The following ASIC2 variants were observed in gnomAD, a reference collection of about 807,000 sequenced individuals.
ASIC2 encodes the protein acid sensing ion channel subunit 2, also known as acid-sensing ion channel 2.
A neutral mutation model predicts 57.3 loss-of-function variants in ASIC2; 25 were observed. The observed-to-expected ratio is 0.44, with a 90% CI of 0.32 to 0.61. The LOEUF is 0.61. ASIC2 is among the 20% of genes least tolerant of loss of function. ASIC2 has a pLI of 0.06. For missense variants in ASIC2, 641 were observed against 738.1 expected (o/e 0.87, Z 1.52); for synonymous variants, 319 against 307.5 (o/e 1.04, Z -0.39).
At chr17:33,777,495 C>T (rs575661462) in intron 1 of ASIC2, among the ~76,000 whole-genome samples, 3 of 152,026 alleles carry the variant, frequency 2.0e-5, no homozygotes, top group Non-Finnish European at 2.9e-5. Flanking sequence ...CAAGGAAAGT[C>T]CCCACCTCCC....
chr17:33,546,242 C>T (rs1376208099), intron 1 of ASIC2, among the ~76,000 whole-genome samples: 1 of 151,622 alleles, frequency 6.6e-6, no homozygotes, highest in East Asian at 1.9e-4. Context: ...GACACAATCA[C>T]ATATATTCAT....
At chr17:33,935,867 G>A (rs1916047629) in intron 1 of ASIC2, 1 of 152,218 alleles carries the variant, frequency 6.6e-6, no homozygotes, top group Non-Finnish European at 1.5e-5. Flanking sequence ...CTTATCTGCT[G>A]CAATTCCTGT....
Position 33,431,641 on chromosome 17 carries a change from G to T in ASIC2, c.556-319574C>A, listed in dbSNP as rs190199101. ...AGAGTCAGGAAATCTCAGAAGAAAA[G>T]ATACCATATTTTAGAGTATTGCACA... On this transcript the variant is annotated intron_variant, in intron 1 of 9. Coordinates refer to the ASIC2 transcript ENST00000359872. Among the ~76,000 whole-genome samples the T allele has an allele frequency of 6.6e-4, 101 of 152,220 alleles. 2 individuals carry two copies. Among genetic ancestry groups the T allele is most frequent in the East Asian group, 5.8e-4 (3 of 5,184 alleles).
chr17:33,309,809 C>T (rs142454462), intron 1 of ASIC2, among the ~76,000 whole-genome samples: 167 of 151,420 alleles, frequency 1.1e-3, no homozygotes, highest in African/African-American at 3.9e-3. Context: ...TCTTAGAGCA[C>T]ATTTTATTCT....
At chr17:33,690,351 T>G (rs1173550775) in intron 1 of ASIC2, among the ~76,000 whole-genome samples, 3 of 152,156 alleles carry the variant, frequency 2.0e-5, no homozygotes, top group Non-Finnish European at 4.4e-5. Flanking sequence ...CCAAGTCTGT[T>G]TTTTCACTGA....
chr17:33,715,912 A>G (rs1473962373), intron 1 of ASIC2, among the ~76,000 whole-genome samples: 1 of 152,104 alleles, frequency 6.6e-6, no homozygotes, highest in East Asian at 1.9e-4. Context: ...AGAATTCAAC[A>G]TGCTCCACCT....
intron 3 of ASIC2, among the ~76,000 whole-genome samples, chr17:33,078,374 T>A (rs1208386194): frequency 6.6e-6 from 1 of 152,228 alleles, no homozygotes; most frequent in Non-Finnish European, 1.5e-5. Flanking sequence ...CAGGTCTCAA[T>A]AAAAAGACTT....
chr17:33,118,023 G>GC (rs1444756982), intron 1 of ASIC2, among the ~76,000 whole-genome samples: 3 of 152,170 alleles, frequency 2.0e-5, no homozygotes, highest in Non-Finnish European at 2.9e-5. Flanking sequence ...GCCCAGGGTA[G>GC]CCAATGGGAT....
rs368323615 is a variant in ASIC2 at position 33,817,094 on chromosome 17, C to T, written c.555+338884G>A. On this transcript the variant is annotated intron_variant, in intron 1 of 9. Coordinates refer to the ASIC2 transcript ENST00000359872. ...ACCACCTGGGGAGTTTTAGGAGCAC[C>T]GAAGCCTGGCCCCCATGCCAGAGGG... is the stretch of plus-strand genomic sequence containing the variant. 2.6e-5 allele frequency among the ~76,000 whole-genome samples: 4 copies of T among 152,244 alleles called. No individual in the cohort carries two copies. The South Asian group carries it at 6.2e-4, about 24-fold the overall frequency.
intron 1 of ASIC2, among the ~76,000 whole-genome samples, chr17:33,426,927 TTA>T (rs1334727464): frequency 1.3e-5 from 2 of 152,240 alleles, no homozygotes; most frequent in East Asian, 3.8e-4. Context: ...AGGAAGCGAC[TTA>T]TAGCTGATAC....
chr17:33,342,324 ATGTGTGTGTGTACGTGTGTGTGTGTACG>A (rs556470755), intron 1 of ASIC2, among the ~76,000 whole-genome samples: 1 of 91,492 alleles, frequency 1.1e-5, no homozygotes, highest in African/African-American at 3.7e-5. Context: ...GTGTGTGTAC[ATGTGTGTGTGTACGTGTGTGTGTGTACG>A]TGTGTGTGTG....
intron 1 of ASIC2, among the ~76,000 whole-genome samples, chr17:33,168,029 T>C (rs114257313): frequency 0.023 from 3,463 of 152,308 alleles, 126 homozygotes; most frequent in African/African-American, 0.079. Flanking sequence ...TATTGCAGAA[T>C]TGGGTTAAGT....
chr17:33,301,758 C>T (rs984612787), intron 1 of ASIC2, among the ~76,000 whole-genome samples: 1 of 152,176 alleles, frequency 6.6e-6, no homozygotes, highest in African/African-American at 2.4e-5. Context: ...TGGGAGGGTC[C>T]CAGGGAGAGG....
intron 1 of ASIC2, among the ~76,000 whole-genome samples, chr17:33,636,292 T>A (rs575270227): frequency 5.1e-4 from 78 of 152,188 alleles, no homozygotes; most frequent in Admixed American, 1.7e-3. Flanking sequence ...TATAAGGATA[T>A]CCTGAGTTTG....
Position 33,472,358 on chromosome 17 carries a change from C to T in ASIC2, c.556-360291G>A, listed in dbSNP as rs540997982. ...TTTAACAGGGATTGCTTGCTAAACA[C>T]CCACCATGCACTGGGCACATTGTGT... On this transcript the variant is annotated intron_variant, in intron 1 of 9. Transcript: ENST00000359872. Among the ~76,000 whole-genome samples, 15 of 152,260 alleles carry T rather than the reference C, an allele frequency of 9.9e-5. No homozygotes were observed. The South Asian group carries it at 3.1e-3, about 32-fold the overall frequency.
At chr17:33,799,449 T>TTC (rs1912054754) in intron 1 of ASIC2, among the ~76,000 whole-genome samples, 1 of 137,518 alleles carries the variant, frequency 7.3e-6, no homozygotes, top group Admixed American at 7.5e-5. Context: ...TTTCTTTCTT[T>TTC]CTTTCTTTCT....
intron 1 of ASIC2, among the ~76,000 whole-genome samples, chr17:33,855,801 G>T (rs1472323391): frequency 6.6e-6 from 1 of 152,146 alleles, no homozygotes; most frequent in African/African-American, 2.4e-5. Context: ...ACATCTCTTG[G>T]ACATAACTCA....
At chr17:33,657,757 TAAAAAAAA>T (rs34103812) in intron 1 of ASIC2, among the ~76,000 whole-genome samples, 1 of 103,500 alleles carries the variant, frequency 9.7e-6, no homozygotes, top group East Asian at 2.9e-4. Flanking sequence ...TGGCAGTTTC[TAAAAAAAA>T]AAAAAAAAAA....
At chr17:33,048,976 G>C (rs2091965292) in intron 3 of ASIC2, among the ~76,000 whole-genome samples, 1 of 152,244 alleles carries the variant, frequency 6.6e-6, no homozygotes, top group Non-Finnish European at 1.5e-5. Context: ...TCAACCAAGT[G>C]ACATCAGTGT....
Sources: allele counts gnomAD v4.1 joint callset (sites outside exome capture counted in the v4.1 genomes callset), GRCh38; gene constraint gnomAD v4.1.1; transcripts MANE v1.5; gene names NCBI Gene and HGNC (gene_info 2026-07-23, HGNC 2026-07-21).